XRCC4: variants seen among roughly 807,000 people sequenced by gnomAD.
XRCC4 encodes DNA repair protein XRCC4.
XRCC4 carries 28 observed loss-of-function variants against 39.1 expected under a neutral mutation model. That is an observed-to-expected ratio of 0.72 (90% confidence interval 0.53 to 0.98). XRCC4 has a LOEUF of 0.98. Ranked by LOEUF, XRCC4 falls within the 50% of genes least tolerant of loss-of-function variation. XRCC4 has a pLI of 0.00. For synonymous variants in XRCC4, 123 were observed against 126.4 expected, an observed-to-expected ratio of 0.97 and a Z score of 0.18; for missense variants, 350 against 376.4, an observed-to-expected ratio of 0.93 and a Z score of 0.58.
At chr5:83,143,056 CAG>C (rs965380464) in intron 3 of XRCC4, among the ~76,000 whole-genome samples, 22 of 152,180 alleles carry the variant, frequency 1.4e-4, no homozygotes, top group African/African-American at 5.1e-4. Flanking sequence ...TTACCAGTGA[CAG>C]TACTTTTTGA....
Position 83,128,488 on chromosome 5 carries a change from C to T in XRCC4, c.315+17285C>T, listed in dbSNP as rs572032700. On this transcript the variant is annotated intron_variant, in intron 3 of 7. Coordinates refer to ENST00000396027, the MANE Select transcript of XRCC4 (RefSeq NM_003401.5). ...ATTTATAATCCTTTGGGTATATACCCAGTAATGGGATGGCTGGGTCAAATG... is the reference window on the plus strand; with the variant it reads ...ATTTATAATCCTTTGGGTATATACCTAGTAATGGGATGGCTGGGTCAAATG... Among the ~76,000 whole-genome samples, 383 of 152,212 alleles carry T rather than the reference C, an allele frequency of 2.5e-3. 4 individuals carry two copies. The highest frequency in any genetic ancestry group is 8.8e-3 in the African/African-American group (367 of 41,542).
intron 6 of XRCC4, among the ~76,000 whole-genome samples, chr5:83,254,752 C>T (rs1176495681): frequency 6.6e-6 from 1 of 152,068 alleles, no homozygotes; most frequent in African/African-American, 2.4e-5. Context: ...AAAGACCAAA[C>T]ATTATCACAA....
Position 83,240,924 on chromosome 5 carries a change from A to G in XRCC4, c.746-17606A>G, listed in dbSNP as rs191344628. ...CGAATGTCCCACTGCACTTTGTAAA[A>G]GTGATTCATTCACTGACTTAAAAAT... On this transcript the variant is annotated intron_variant, in intron 6 of 7. Transcript: ENST00000396027. Among the ~76,000 whole-genome samples the G allele has an allele frequency of 8.6e-4, 131 of 152,318 alleles. No individual in the cohort carries two copies. The Middle Eastern group carries it at 0.01, about 12-fold the overall frequency.
intron 7 of XRCC4, among the ~76,000 whole-genome samples, chr5:83,260,591 C>T (rs1753714874): frequency 6.6e-6 from 1 of 152,032 alleles, no homozygotes; most frequent in African/African-American, 2.4e-5. Context: ...TTTCTGAGTA[C>T]ACTGTGTTGC....
chr5:83,134,168 T>C (rs1436213600), intron 3 of XRCC4, among the ~76,000 whole-genome samples: 1 of 152,012 alleles, frequency 6.6e-6, no homozygotes, highest in African/African-American at 2.4e-5. Context: ...TTCCCTATTT[T>C]CCTCTTGATT....
chr5:83,284,333 A>G (rs570579823), intron 7 of XRCC4, among the ~76,000 whole-genome samples: 1 of 152,044 alleles, frequency 6.6e-6, no homozygotes, highest in South Asian at 2.1e-4. Flanking sequence ...TTTTTTAACC[A>G]TTTTCTCTAA....
chr5:83,298,473 T>C (rs536354474), intron 7 of XRCC4, among the ~76,000 whole-genome samples: 18 of 151,978 alleles, frequency 1.2e-4, no homozygotes, highest in Non-Finnish European at 2.2e-4. Context: ...TATTATAAAA[T>C]GACTCTCAGT....
intron 7 of XRCC4, among the ~76,000 whole-genome samples, chr5:83,300,671 G>A (rs1755251341): frequency 1.4e-5 from 2 of 147,656 alleles, no homozygotes; most frequent in Non-Finnish European, 3.0e-5. Flanking sequence ...ATGGTGGTTT[G>A]CTGCACCCAT....
chr5:83,301,379 T>C (rs569823158), intron 7 of XRCC4, among the ~76,000 whole-genome samples: 1 of 152,370 alleles, frequency 6.6e-6, no homozygotes, highest in African/African-American at 2.4e-5. Flanking sequence ...ATGTCTTCTT[T>C]TGAGAAGTGT....
chr5:83,089,783 A>G (rs1228645763), intron 1 of XRCC4, among the ~76,000 whole-genome samples: 2 of 152,256 alleles, frequency 1.3e-5, no homozygotes, highest in African/African-American at 4.8e-5. Context: ...TTATTAACAA[A>G]TGAAGCCACA....
chr5:83,365,166 A>AT, the XRCC4 span, among the ~76,000 whole-genome samples: 1 of 152,318 alleles, frequency 6.6e-6, no homozygotes, highest in Non-Finnish European at 1.5e-5. Flanking sequence ...AATTTGCTTC[A>AT]TATGACTGAT....
At chr5:83,295,321 A>T (rs1056833355) in intron 7 of XRCC4, among the ~76,000 whole-genome samples, 4 of 152,072 alleles carry the variant, frequency 2.6e-5, no homozygotes, top group Non-Finnish European at 5.9e-5. Flanking sequence ...ATGCATATAG[A>T]ATAATCTACC....
chr5:83,182,310 A>G (rs750118027), intron 3 of XRCC4, among the ~76,000 whole-genome samples: 3 of 152,194 alleles, frequency 2.0e-5, no homozygotes, highest in Non-Finnish European at 4.4e-5. Context: ...TCTTCAAATG[A>G]AGGTGCTCTC....
intron 7 of XRCC4, among the ~76,000 whole-genome samples, chr5:83,297,452 A>G (rs1755134312): frequency 6.6e-6 from 1 of 151,932 alleles, no homozygotes; most frequent in South Asian, 2.1e-4. Context: ...TACAAACTGA[A>G]TTTCTTCAAA....
chr5:83,161,217 TCTC>T, intron 3 of XRCC4, among the ~76,000 whole-genome samples: 1 of 152,136 alleles, frequency 6.6e-6, no homozygotes, highest in Non-Finnish European at 1.5e-5. Context: ...TTCAAGCAAT[TCTC>T]CTGCCTCAGC....
chr5:83,095,986 C>A (rs913584737), intron 1 of XRCC4, among the ~76,000 whole-genome samples: 2 of 151,836 alleles, frequency 1.3e-5, no homozygotes, highest in Non-Finnish European at 1.5e-5. Flanking sequence ...TTCAGACTTA[C>A]ACGAATCCCA....
chr5:83,265,053 G>A (rs1377934281), intron 7 of XRCC4, among the ~76,000 whole-genome samples: 2 of 152,096 alleles, frequency 1.3e-5, no homozygotes, highest in Admixed American at 6.6e-5. Context: ...AACTTAAAAT[G>A]AGGTAGTTGA....
At chr5:83,231,383 C>T (rs1034111458) in intron 6 of XRCC4, among the ~76,000 whole-genome samples, 5 of 151,956 alleles carry the variant, frequency 3.3e-5, no homozygotes, top group Non-Finnish European at 4.4e-5. Flanking sequence ...GTTTATTTAG[C>T]GTTAATTCTG....
chr5:83,352,467 G>T (rs1757109898), intron 7 of XRCC4, among the ~76,000 whole-genome samples: 1 of 152,118 alleles, frequency 6.6e-6, no homozygotes, highest in Non-Finnish European at 1.5e-5. Context: ...TAGTGATCAT[G>T]GCAGTCAGCC....
Sources: gnomAD v4.1 joint callset for allele counts (sites outside exome capture counted in the v4.1 genomes callset) on GRCh38, gnomAD v4.1.1 for gene constraint, MANE v1.5 for transcripts, NCBI Gene and HGNC (gene_info 2026-07-23, HGNC 2026-07-21) for gene names.